Variants in MTCL1 observed in about 807,000 individuals in gnomAD.
MTCL1 encodes the protein microtubule crosslinking factor 1.
MTCL1 carries 79 observed loss-of-function variants against 141.4 expected under a neutral mutation model. The observed-to-expected ratio is 0.56, with a 90% CI of 0.47 to 0.67. MTCL1 has a LOEUF of 0.67. Ranked by LOEUF, MTCL1 falls within the 30% of genes least tolerant of loss-of-function variation. The pLI, the probability that MTCL1 is intolerant of heterozygous loss-of-function variation, is 0.00. For synonymous variants in MTCL1, 914 were observed against 875.8 expected (o/e 1.04, Z -0.77); for missense variants, 2,177 against 2,113.9 (o/e 1.03, Z -0.59).
chr18:8,763,086 C>A (rs1256047563), intron 4 of MTCL1, among the ~76,000 whole-genome samples: 16 of 152,214 alleles, frequency 1.1e-4, no homozygotes, highest in Admixed American at 1.0e-3. Context: ...TCCCCCCAAC[C>A]AAGCCCGCTC....
At chr18:8,708,845 G>A (rs28671773) in intron 1 of MTCL1, among the ~76,000 whole-genome samples, 3,561 of 152,270 alleles carry the variant, frequency 0.023, 135 homozygotes, top group African/African-American at 0.078. Context: ...ACTTGCATCC[G>A]TTTACTCTGC....
Position 8,822,483 on chromosome 18 carries a change from G to A in MTCL1, c.3188+985G>A, listed in dbSNP as rs537875253. Among the ~76,000 whole-genome samples the A allele has an allele frequency of 4.9e-4, 75 of 152,246 alleles. No homozygotes were observed. The highest frequency in any genetic ancestry group is 8.7e-4 in the Non-Finnish European group (59 of 68,016). ...ATTTTTGTCTTTTAATAGAAACAGA[G>A]TTTCGCCATGTTGGCCAGGCTGGTC... On this transcript the variant is annotated intron_variant, in intron 14 of 16. Coordinates refer to ENST00000359865, the Ensembl canonical transcript of MTCL1. The surrounding 1 kb of genome is among the most constrained non-coding windows in gnomAD (Gnocchi z 4.6).
chr18:8,718,012 A>T, intron 2 of MTCL1: 1 of 1,015,110 alleles, frequency 9.9e-7, no homozygotes, highest in East Asian at 8.2e-5. Flanking sequence ...ACTGAAGTTT[A>T]TGTTCTTTGA....
chr18:8,716,450 A>G (rs1487611110), upstream of MTCL1, among the ~76,000 whole-genome samples: 2 of 151,988 alleles, frequency 1.3e-5, no homozygotes, highest in African/African-American at 2.4e-5. Flanking sequence ...AAGCATCATC[A>G]TCACCCCATT....
At chr18:8,788,588 C>G (rs1043053641) in intron 7 of MTCL1, among the ~76,000 whole-genome samples, 2 of 152,168 alleles carry the variant, frequency 1.3e-5, no homozygotes, top group African/African-American at 4.8e-5. Context: ...ATAGTTGTAC[C>G]AGCAGCAGCA....
At chr18:8,717,944 A>C in exon 2 of MTCL1, 2 of 998,480 alleles carry the variant, frequency 2.0e-6, no homozygotes, top group South Asian at 9.0e-5. Flanking sequence ...GTGGAACAGA[A>C]TTTTTGGGAC....
intron 11 of MTCL1, chr18:8,809,822 C>G: frequency 1.9e-6 from 1 of 526,496 alleles, no homozygotes; most frequent in Non-Finnish European, 3.4e-6. Context: ...TGTGTCATCA[C>G]AGGCACTGGG....
intron 4 of MTCL1, among the ~76,000 whole-genome samples, chr18:8,768,185 ATACT>A (rs771590246): frequency 1.6e-4 from 24 of 152,350 alleles, no homozygotes; most frequent in Middle Eastern, 3.4e-3. Flanking sequence ...ACATTGTACT[ATACT>A]TGGTTTATCA....
rs568807871 is a variant in MTCL1 at position 8,738,576 on chromosome 18, G to T, written c.357+18080G>T. Among the ~76,000 whole-genome samples, 17 of 152,334 alleles carry T rather than the reference G, an allele frequency of 1.1e-4. No homozygotes were observed. In the South Asian group the frequency reaches 3.5e-3, roughly 32 times the overall value. On this transcript the variant is annotated intron_variant, in intron 4 of 16. Coordinates refer to ENST00000359865, the Ensembl canonical transcript of MTCL1. ...CTCATATGATTAGCGGAGAACAAAG[G>T]TGTGGCATTTCTTTTGCTTTCAGAA...
At chr18:8,727,754 C>T (rs1466501829) in intron 4 of MTCL1, among the ~76,000 whole-genome samples, 2 of 152,070 alleles carry the variant, frequency 1.3e-5, no homozygotes, top group Non-Finnish European at 2.9e-5. Context: ...CTTTTTTAAA[C>T]TGATAAATTT....
At chr18:8,707,568 G>A (rs2096065049) in intron 1 of MTCL1, 1 of 152,696 alleles carries the variant, frequency 6.5e-6, no homozygotes, top group Admixed American at 6.5e-5. Flanking sequence ...CGATCCAGGT[G>A]ACTTGAGAGA....
chr18:8,820,464 T>C (rs940734522), intron 13 of MTCL1, among the ~76,000 whole-genome samples: 5 of 152,206 alleles, frequency 3.3e-5, no homozygotes, highest in African/African-American at 1.2e-4. Flanking sequence ...CAACAGTTGC[T>C]GCACCTATCA....
chr18:8,824,144 G>A (rs768849725), intron 14 of MTCL1, among the ~76,000 whole-genome samples: 2 of 152,172 alleles, frequency 1.3e-5, no homozygotes, highest in Non-Finnish European at 2.9e-5. Flanking sequence ...AGTCGTGCCC[G>A]AGCACTCCGG....
At chr18:8,792,335 T>C (rs55710669) in intron 7 of MTCL1, among the ~76,000 whole-genome samples, 13,535 of 152,276 alleles carry the variant, frequency 0.089, 780 homozygotes, top group Non-Finnish European at 0.13. Flanking sequence ...ATAAAAATCA[T>C]GATACAGATT....
chr18:8,709,891 A>G (rs754781661), intron 1 of MTCL1, among the ~76,000 whole-genome samples: 18 of 152,170 alleles, frequency 1.2e-4, no homozygotes, highest in Middle Eastern at 6.8e-3. Flanking sequence ...GCAGGCTGGA[A>G]TGCAGTGGCG....
At chr18:8,775,044 C>G (rs2096500618) in intron 4 of MTCL1, among the ~76,000 whole-genome samples, 1 of 152,162 alleles carries the variant, frequency 6.6e-6, no homozygotes, top group South Asian at 2.1e-4. Context: ...TCATTTGCAG[C>G]AGCCCATGAT....
chr18:8,827,530 C>A (rs1007722356), intron 15 of MTCL1, among the ~76,000 whole-genome samples: 1 of 152,200 alleles, frequency 6.6e-6, no homozygotes, highest in Non-Finnish European at 1.5e-5. Context: ...GCTCTGAGGA[C>A]AAACTGCTGG....
exon 15 of MTCL1, chr18:8,824,929 G>A (rs376123444): frequency 8.7e-6 from 14 of 1,613,736 alleles, no homozygotes; most frequent in Admixed American, 3.3e-5. Flanking sequence ...GAGGTGGGGC[G>A]GGCAGGGCAC....
chr18:8,786,112 C>CCCCA, intron 7 of MTCL1, 21 bp downstream of exon 6: 6 of 1,362,932 alleles, frequency 4.4e-6, no homozygotes, highest in South Asian at 2.6e-5. Context: ...GCAAGCAATC[C>CCCCA]CCCCCCCCCG....
Sources: allele counts gnomAD v4.1 joint callset (sites outside exome capture counted in the v4.1 genomes callset), GRCh38; gene constraint gnomAD v4.1.1; non-coding constraint Gnocchi (gnomAD v3.1); transcripts MANE v1.5; gene names NCBI Gene and HGNC (gene_info 2026-07-23, HGNC 2026-07-21).